The following FUZ variants were observed in gnomAD, a reference collection of about 807,000 sequenced individuals.
FUZ encodes the protein fuzzy planar cell polarity protein.
In FUZ, 31 loss-of-function variants were observed where a neutral mutation model predicts 43.1. The ratio of observed to expected loss-of-function variants is 0.72; its 90% CI spans 0.54 to 0.97. The LOEUF is 0.97. Among genes scored for constraint, FUZ ranks in the 50% least tolerant of loss-of-function variants. The pLI is 0.00. For missense variants in FUZ, 539 were observed against 543.8 expected, an observed-to-expected ratio of 0.99 and a Z score of 0.09; for synonymous variants, 274 against 250.0, an observed-to-expected ratio of 1.10 and a Z score of -0.91.
chr19:49,809,963 G>A lies in FUZ; in HGVS notation c.493-388C>T, dbSNP rs117014240. Reference sequence around the variant, plus strand: ...CGCCACACCAGGCAAGTCCACAAGAGCAGTATTTAAGTAGAGGTAGCTAGA... The same window carrying A: ...CGCCACACCAGGCAAGTCCACAAGAACAGTATTTAAGTAGAGGTAGCTAGA... On this transcript the variant is annotated intron_variant, in intron 5 of 10. Transcript: ENST00000313777. The surrounding 1 kb of genome is among the most constrained non-coding windows in gnomAD (Gnocchi z 5.1). 1,478 of 363,136 alleles carry A rather than the reference G, an allele frequency of 4.1e-3. 12 individuals carry two copies. Among genetic ancestry groups the A allele is most frequent in the South Asian group, 6.0e-3 (253 of 42,474 alleles). The allele number at this position is 363,136 out of a possible 1,614,324, so 22.5% of individuals were successfully genotyped here.
At chr19:49,810,577 G>A (rs1053736829) in intron 5 of FUZ, among the ~76,000 whole-genome samples, 2 of 151,058 alleles carry the variant, frequency 1.3e-5, no homozygotes, top group Admixed American at 6.6e-5. Flanking sequence ...TACTCGGGAG[G>A]TTGAGGCAGG....
chr19:49,808,793 C>T lies in FUZ; in HGVS notation c.817G>A (p.Asp273Asn), dbSNP rs993111578. 3 of 1,556,062 alleles carry T rather than the reference C, an allele frequency of 1.9e-6. No individual in the cohort carries two copies. The highest frequency in any genetic ancestry group is 1.7e-4 in the Middle Eastern group (1 of 6,000). Residue 273 changes from aspartate to asparagine, a missense_variant, in exon 8 of 11, where the codon GAC becomes AAC. Coordinates refer to ENST00000313777, the MANE Select transcript of FUZ (RefSeq NM_025129.5). ...LLERWWQPLL[D>N]PLRACLPLGP... ...AACGGCAGACAGGCCCGCAACGGGTCCAGCAGTGGCTGCCACCAGCGCTCC... is the reference window on the plus strand; with the variant it reads ...AACGGCAGACAGGCCCGCAACGGGTTCAGCAGTGGCTGCCACCAGCGCTCC...
rs763829848 is a variant in FUZ, at chr19:49,808,631, G to A, written c.901C>T (p.Leu301Phe). 1 of 1,613,328 alleles carries A rather than the reference G, an allele frequency of 6.2e-7. No individual in the cohort carries two copies. The highest frequency in any genetic ancestry group is 1.1e-5 in the South Asian group (1 of 90,852). Residue 301 changes from leucine (L) to phenylalanine (F), a missense_variant, in exon 9 of 11, where the codon CTC (leucine) becomes TTC (phenylalanine). Transcript: ENST00000313777. ...CAGCGCTTCAGTTCCAGGTGGAGGA[G>A]CAGCAGCCTGTGGGAAAGGGAAGGG... ...PLHTDILGLL[L>F]LHLELKRCLF...
chr19:49,811,048 A>C, intron 5 of FUZ: 1 of 409,110 alleles, frequency 2.4e-6, no homozygotes, highest in South Asian at 2.1e-5. Context: ...CTGCTCGGGA[A>C]GCTGAGGCAG....
chr19:49,808,776 A>T lies in FUZ; in HGVS notation c.834T>A (p.Cys278Ter). 1 of 1,565,528 alleles carries T rather than the reference A, an allele frequency of 6.4e-7. No homozygotes were observed. The highest frequency in any genetic ancestry group is 8.7e-7 in the Non-Finnish European group (1 of 1,155,078). Residue 278 changes from cysteine (C) to a stop codon, truncating the protein, a stop_gained, in exon 8 of 11, where the codon TGT becomes TGA. Transcript: ENST00000313777. LOFTEE classifies it high-confidence loss of function. ...GCAGCGCCCGGGGTCCCAACGGCAG[A>T]CAGGCCCGCAACGGGTCCAGCAGTG... Reference protein sequence around the residue: ...WQPLLDPLRACLPLGPRALPS... With the variant: ...WQPLLDPLRA
chr19:49,812,149 A>AG (rs2073823779), intron 3 of FUZ, 102 bp downstream of exon 3: 8 of 803,276 alleles, frequency 1.0e-5, no homozygotes, highest in Non-Finnish European at 1.7e-5. Context: ...CTGGGTTCTG[A>AG]GGAAGGAAGT....
chr19:49,813,357 A>C, upstream of FUZ: 1 of 575,770 alleles, frequency 1.7e-6, no homozygotes, highest in Non-Finnish European at 3.1e-6. Context: ...CCTAACAAAG[A>C]TGGCGGCAAA....
Position 49,813,079 on chromosome 19 carries a change from C to T in FUZ, c.28G>A (p.Val10Met). 1 of 1,551,384 alleles carries T rather than the reference C, an allele frequency of 6.4e-7. No individual in the cohort carries two copies. Among genetic ancestry groups the T allele is most frequent in the South Asian group, 1.2e-5 (1 of 84,062 alleles). The change falls in exon 1 of 11, where the codon GTG becomes ATG. Residue 10 changes from valine to methionine, a missense_variant. Transcript: ENST00000313777. Reference protein sequence around the residue: MGEEGTGGTVHLLCLAASSG... With the variant: MGEEGTGGTMHLLCLAASSG... The stretch of plus-strand genomic sequence containing the variant: ...GAGGCCGCGAGGCACAGCAGATGCA[C>T]AGTGCCGCCCGTCCCCTCCTCCCCC...
At chr19:49,811,740 A>G (rs1254941724) in intron 3 of FUZ, 41 bp from the exon 4 acceptor site, 4 of 1,514,358 alleles carry the variant, frequency 2.6e-6, no homozygotes, top group Non-Finnish European at 3.7e-6. Context: ...AGGGGCTGGG[A>G]CTTGAACTCC....
Sources: allele counts gnomAD v4.1 joint callset (sites outside exome capture counted in the v4.1 genomes callset), GRCh38; gene constraint gnomAD v4.1.1; non-coding constraint Gnocchi (gnomAD v3.1); transcripts MANE v1.5; gene names NCBI Gene and HGNC (gene_info 2026-07-23, HGNC 2026-07-21).